VEPH1: variants seen among roughly 807,000 people sequenced by gnomAD.
VEPH1 encodes the protein ventricular zone-expressed PH domain-containing protein homolog 1.
Under a neutral mutation model 85.2 loss-of-function variants are expected in VEPH1, and 80 were observed. The observed-to-expected ratio is 0.94, with a 90% CI of 0.78 to 1.13. The LOEUF (loss-of-function observed/expected upper bound fraction) is 1.13. Among genes scored for constraint, VEPH1 ranks in the 50% most tolerant of loss-of-function variants. The probability of loss-of-function intolerance (pLI) is 0.00; values close to 1 mark genes in which losing one functional copy is unlikely to be tolerated. For missense variants in VEPH1, 955 were observed against 980.5 expected, an observed-to-expected ratio of 0.97 and a Z score of 0.35; for synonymous variants, 297 against 348.0, an observed-to-expected ratio of 0.85 and a Z score of 1.63.
intron 3 of VEPH1, among the ~76,000 whole-genome samples, chr3:157,461,275 G>A (rs1735844140): frequency 6.6e-6 from 1 of 151,608 alleles, no homozygotes; most frequent in Admixed American, 6.6e-5. Flanking sequence ...ACCACATAAT[G>A]TTTTGGTCAA....
intron 4 of VEPH1, among the ~76,000 whole-genome samples, chr3:157,453,609 CT>C (rs1272183713): frequency 6.6e-6 from 1 of 152,064 alleles, no homozygotes; most frequent in Non-Finnish European, 1.5e-5. Context: ...GATTAGTGTA[CT>C]GCAAGGCAAT....
At chr3:157,363,913 G>A (rs958728562) in intron 8 of VEPH1, 152 bp from the exon 9 acceptor site, 22 of 926,718 alleles carry the variant, frequency 2.4e-5, no homozygotes, top group Non-Finnish European at 3.2e-5. Context: ...AATAAATGAT[G>A]TAATAAACCA....
rs746570955 is a variant in VEPH1 at position 157,363,481 on chromosome 3, G to T, written c.1618C>A (p.Pro540Thr). The change falls in exon 9 of 14, where the codon CCT becomes ACT. Residue 540 changes from proline to threonine, a missense_variant. Transcript: ENST00000362010. ...QEETPETTAS[P>T]IEYQDKLYLH... ...TAGAGCTTATCTTGGTATTCTATAG[G>T]ACTTGCAGTTGTCTCTGGAGTTTCT... is the stretch of plus-strand genomic sequence containing the variant. 4 of 1,613,880 alleles carry T rather than the reference G, an allele frequency of 2.5e-6. No homozygotes were observed. The East Asian group carries it at 8.9e-5, about 36-fold the overall frequency.
rs1271085562 is a variant in VEPH1, at chr3:157,261,371, C to G, written c.2266-1G>C. 7 of 1,612,984 alleles carry G rather than the reference C, an allele frequency of 4.3e-6. No individual in the cohort carries two copies. The highest frequency in any genetic ancestry group is 5.9e-6 in the Non-Finnish European group (7 of 1,179,408). ...TTGGGCAGTCGTCAGGGTCATCTTT[C>G]TGAAAGGCATGGGAAGAAAAGAACA... is the stretch of plus-strand genomic sequence containing the variant. On this transcript the variant is annotated splice_acceptor_variant, in intron 13 of 13. Transcript: ENST00000362010. LOFTEE classifies it high-confidence loss of function.
intron 12 of VEPH1, among the ~76,000 whole-genome samples, chr3:157,278,199 C>T (rs561301751): frequency 5.9e-5 from 9 of 152,212 alleles, no homozygotes; most frequent in African/African-American, 1.7e-4. Context: ...CTTTGAGGAC[C>T]TCAGTATGCA....
intron 4 of VEPH1, among the ~76,000 whole-genome samples, chr3:157,457,592 C>T (rs1301188877): frequency 6.6e-6 from 1 of 152,074 alleles, no homozygotes; most frequent in Non-Finnish European, 1.5e-5. Context: ...TAACATGAAG[C>T]GGTGTTGAAT....
intron 4 of VEPH1, chr3:157,436,953 T>C (rs1310682773): frequency 6.2e-7 from 1 of 1,613,740 alleles, no homozygotes. Flanking sequence ...CTTGCGATTC[T>C]GTTTTGTGCT....
In VEPH1 at chr3:157,413,943, T is replaced by A. The variant is rs773732652; in HGVS notation, c.844A>T (p.Arg282Ter). 2 of 1,613,656 alleles carry A rather than the reference T, an allele frequency of 1.2e-6. No individual in the cohort carries two copies. The highest frequency in any genetic ancestry group is 1.7e-6 in the Non-Finnish European group (2 of 1,179,748). Residue 282 changes from arginine to a stop codon, truncating the protein, a stop_gained, in exon 6 of 14, where the codon AGA becomes TGA. Transcript: ENST00000362010. LOFTEE classifies it high-confidence loss of function. ...FLPMLKEIGE[R>*]FPYLTGQMAR... ...ATCTGTCCAGTGAGGTAGGGGAATC[T>A]CTCACCAATCTCTTTCAGCATTGGA... is the stretch of plus-strand genomic sequence containing the variant.
chr3:157,470,430 T>C lies in VEPH1; in HGVS notation c.238A>G (p.Lys80Glu). 1 of 1,614,168 alleles carries C rather than the reference T, an allele frequency of 6.2e-7. No individual in the cohort carries two copies. Among genetic ancestry groups the C allele is most frequent in the Non-Finnish European group, 8.5e-7 (1 of 1,180,018 alleles). Residue 80 changes from lysine (K) to glutamate (E), a missense_variant, in exon 3 of 14, where the codon AAG becomes GAG. Physicochemically the swap from Lys to Glu is moderately conservative, Grantham distance 56 (BLOSUM62 1). Coordinates refer to ENST00000362010, the MANE Select transcript of VEPH1 (RefSeq NM_001167912.2). ...RETESIEKHAKALVGLWDSCL... is the reference protein window; with the variant it reads ...RETESIEKHAEALVGLWDSCL... ...GAGTCCCAGAGCCCCACAAGGGCCT[T>C]TGCATGCTTTTCAATGGACTCGGTC... is the stretch of plus-strand genomic sequence containing the variant.
intron 2 of VEPH1, among the ~76,000 whole-genome samples, chr3:157,483,993 A>G (rs1163316767): frequency 6.6e-6 from 1 of 152,214 alleles, no homozygotes; most frequent in Non-Finnish European, 1.5e-5. Context: ...AAAACACAAT[A>G]AGGATTGAGT....
chr3:157,394,033 G>A (rs1730134676), intron 6 of VEPH1, among the ~76,000 whole-genome samples: 1 of 152,186 alleles, frequency 6.6e-6, no homozygotes, highest in African/African-American at 2.4e-5. Context: ...CCACCTTTCT[G>A]TTAGATTCAG....
At chr3:157,381,119 C>G (rs1728709900) in intron 7 of VEPH1, 37 bp downstream of exon 7, 1 of 1,607,514 alleles carries the variant, frequency 6.2e-7, no homozygotes, top group East Asian at 2.2e-5. Context: ...CACAGGTGCA[C>G]AGCAGCTCCC....
chr3:157,349,592 A>T (rs1724619492), intron 9 of VEPH1, among the ~76,000 whole-genome samples: 1 of 152,228 alleles, frequency 6.6e-6, no homozygotes, highest in Non-Finnish European at 1.5e-5. Context: ...GAAGTCAAAT[A>T]GTCCTCTGTG....
At chr3:157,480,674 A>G (rs913929299) in intron 2 of VEPH1, among the ~76,000 whole-genome samples, 15 of 152,172 alleles carry the variant, frequency 9.9e-5, no homozygotes, top group Non-Finnish European at 1.0e-4. Context: ...CATATGTACC[A>G]TATTTTCTTT....
intron 4 of VEPH1, among the ~76,000 whole-genome samples, chr3:157,451,376 C>T (rs1364656350): frequency 2.0e-5 from 3 of 152,042 alleles, no homozygotes; most frequent in Non-Finnish European, 1.5e-5. Flanking sequence ...AGAAGTAAGA[C>T]CTTTTACAAT....
chr3:157,313,126 G>T (rs954327895), intron 11 of VEPH1, among the ~76,000 whole-genome samples: 1 of 151,488 alleles, frequency 6.6e-6, no homozygotes, highest in Non-Finnish European at 1.5e-5. Context: ...GGATGCTCTC[G>T]ATCTCCTGAC....
At chr3:157,483,050 T>C (rs1231197932) in intron 2 of VEPH1, among the ~76,000 whole-genome samples, 4 of 152,030 alleles carry the variant, frequency 2.6e-5, no homozygotes, top group Non-Finnish European at 4.4e-5. Flanking sequence ...ATTACTGTTA[T>C]AGTCATATTC....
chr3:157,308,852 GATA>G (rs1234947062), intron 11 of VEPH1, among the ~76,000 whole-genome samples: 1 of 152,044 alleles, frequency 6.6e-6, no homozygotes, highest in Non-Finnish European at 1.5e-5. Flanking sequence ...TTTGTAAGAT[GATA>G]ATAATAATGC....
chr3:157,341,187 C>T (rs565835837), intron 9 of VEPH1, among the ~76,000 whole-genome samples: 38 of 152,248 alleles, frequency 2.5e-4, no homozygotes, highest in Middle Eastern at 3.4e-3. Flanking sequence ...ATGACTTTGA[C>T]GAGTTGAGAG....
Sources: allele counts gnomAD v4.1 joint callset (sites outside exome capture counted in the v4.1 genomes callset), GRCh38; gene constraint gnomAD v4.1.1; transcripts MANE v1.5; gene names NCBI Gene and HGNC (gene_info 2026-07-23, HGNC 2026-07-21).